The following PAPPA2 variants were observed in gnomAD, a reference collection of about 807,000 sequenced individuals.
PAPPA2 encodes the protein pappalysin 2, also known as pappalysin-2.
In PAPPA2, 86 loss-of-function variants were observed where a neutral mutation model predicts 176.4. The ratio of observed to expected loss-of-function variants is 0.49; its 90% CI spans 0.41 to 0.58. PAPPA2 has a LOEUF of 0.58. PAPPA2 is among the 20% of genes least tolerant of loss of function. PAPPA2 has a pLI of 0.00. For synonymous variants in PAPPA2, 809 were observed against 852.2 expected (o/e 0.95, Z 0.88); for missense variants, 2,073 against 2,256.9 (o/e 0.92, Z 1.65).
chr1:176,809,845 C>T (rs979943368), intron 21 of PAPPA2, among the ~76,000 whole-genome samples: 5 of 152,072 alleles, frequency 3.3e-5, no homozygotes, highest in Non-Finnish European at 7.4e-5. Flanking sequence ...AGACATTGCC[C>T]GAGGAATAGT....
chr1:176,663,953 T>TA (rs1475006400), intron 3 of PAPPA2, among the ~76,000 whole-genome samples: 1 of 152,182 alleles, frequency 6.6e-6, no homozygotes, highest in African/African-American at 2.4e-5. Flanking sequence ...GGTCTCTTGA[T>TA]ATGGTGGGTA....
At chr1:176,623,234 C>T (rs1482850195) in intron 3 of PAPPA2, among the ~76,000 whole-genome samples, 2 of 152,162 alleles carry the variant, frequency 1.3e-5, no homozygotes, top group Admixed American at 1.3e-4. Context: ...CATTTTCATT[C>T]CCACTCTCTG....
rs1573035031 is a variant in PAPPA2 at position 176,556,281 on chromosome 1, C to T, written c.-42C>T. The T allele has an allele frequency of 6.3e-7, 1 of 1,583,946 alleles. No individual in the cohort carries two copies. Among genetic ancestry groups the T allele is most frequent in the Non-Finnish European group, 8.6e-7 (1 of 1,164,438 alleles). On this transcript the variant is annotated 5_prime_UTR_variant, in exon 2 of 23. Transcript: ENST00000367662. The stretch of plus-strand genomic sequence containing the variant: ...CTGCCCATCACTCTGGTGTGGTACC[C>T]AGAAGTTGACTTCTGGTTCTGTAGA...
intron 1 of PAPPA2, among the ~76,000 whole-genome samples, chr1:176,474,171 T>C (rs1453369400): frequency 6.6e-6 from 1 of 152,250 alleles, no homozygotes; most frequent in Admixed American, 6.5e-5. Context: ...TATGATGCAG[T>C]AACAAGTGTC....
intron 1 of PAPPA2, among the ~76,000 whole-genome samples, chr1:176,530,536 G>T (rs1354051498): frequency 1.3e-5 from 2 of 151,960 alleles, no homozygotes; most frequent in African/African-American, 2.4e-5. Flanking sequence ...TCCATTTTTA[G>T]GTCTTGTTAA....
At chr1:176,658,149 A>G (rs1273880731) in intron 3 of PAPPA2, among the ~76,000 whole-genome samples, 4 of 152,020 alleles carry the variant, frequency 2.6e-5, no homozygotes, top group Non-Finnish European at 5.9e-5. Flanking sequence ...CACTAATTCA[A>G]TTAATGCCAC....
chr1:176,739,867 A>G, intron 13 of PAPPA2, 106 bp downstream of exon 13: 2 of 1,564,682 alleles, frequency 1.3e-6, no homozygotes, highest in South Asian at 1.2e-5. Context: ...TGCCTACATC[A>G]TACATCTAGG....
chr1:176,751,480 C>A, intron 14 of PAPPA2, among the ~76,000 whole-genome samples: 1 of 117,740 alleles, frequency 8.5e-6, no homozygotes, highest in Non-Finnish European at 1.7e-5. Flanking sequence ...ACAATGAACT[C>A]AAACAAATTT....
At chr1:176,616,812 C>G (rs996090050) in intron 3 of PAPPA2, 5 of 738,862 alleles carry the variant, frequency 6.8e-6, no homozygotes, top group South Asian at 5.9e-5. Flanking sequence ...AAAAAATACT[C>G]AATAGGGTTA....
chr1:176,715,529 T>G (rs1661330674), intron 12 of PAPPA2, among the ~76,000 whole-genome samples: 1 of 152,118 alleles, frequency 6.6e-6, no homozygotes, highest in African/African-American at 2.4e-5. Context: ...TGGTCATGAG[T>G]GGGAAACAGT....
intron 21 of PAPPA2, among the ~76,000 whole-genome samples, chr1:176,836,330 C>T (rs1316722161): frequency 2.0e-5 from 3 of 152,166 alleles, no homozygotes; most frequent in Non-Finnish European, 4.4e-5. Context: ...GTCTGAAACA[C>T]TCATCAAGAT....
intron 4 of PAPPA2, among the ~76,000 whole-genome samples, chr1:176,678,965 AAAG>A (rs1659447707): frequency 6.6e-6 from 1 of 152,164 alleles, no homozygotes; most frequent in Admixed American, 6.6e-5. Flanking sequence ...GAGCACAAGG[AAAG>A]AATAGGTTGT....
intron 12 of PAPPA2, among the ~76,000 whole-genome samples, chr1:176,715,302 C>A (rs746492593): frequency 3.3e-5 from 5 of 152,182 alleles, no homozygotes; most frequent in Non-Finnish European, 7.3e-5. Flanking sequence ...TTCGAAAAAT[C>A]TGTTTATAGG....
At chr1:176,620,699 C>G (rs1187002010) in intron 3 of PAPPA2, among the ~76,000 whole-genome samples, 2 of 152,152 alleles carry the variant, frequency 1.3e-5, no homozygotes, top group African/African-American at 4.8e-5. Context: ...CTATGTTAAT[C>G]TGTCTCACCA....
At chr1:176,564,398 C>T (rs1651840963) in intron 2 of PAPPA2, among the ~76,000 whole-genome samples, 1 of 152,218 alleles carries the variant, frequency 6.6e-6, no homozygotes. Context: ...TTAGAATGTG[C>T]AAGCAGTCGT....
intron 1 of PAPPA2, among the ~76,000 whole-genome samples, chr1:176,524,304 G>T (rs1649364857): frequency 6.6e-6 from 1 of 152,150 alleles, no homozygotes; most frequent in South Asian, 2.1e-4. Flanking sequence ...TTGCAATATG[G>T]TGCCATGACA....
chr1:176,535,933 G>A (rs899440030), intron 1 of PAPPA2, among the ~76,000 whole-genome samples: 1 of 152,178 alleles, frequency 6.6e-6, no homozygotes, highest in African/African-American at 2.4e-5. Flanking sequence ...TTGTGCCTTC[G>A]ATTTTGATGG....
intron 3 of PAPPA2, among the ~76,000 whole-genome samples, chr1:176,634,158 A>G (rs1248382167): frequency 6.6e-6 from 1 of 152,148 alleles, no homozygotes; most frequent in Non-Finnish European, 1.5e-5. Flanking sequence ...GTTTATTGCA[A>G]CACTACTCAC....
intron 14 of PAPPA2, among the ~76,000 whole-genome samples, chr1:176,758,711 G>T (rs1327539651): frequency 1.3e-5 from 2 of 152,180 alleles, no homozygotes; most frequent in Non-Finnish European, 2.9e-5. Flanking sequence ...TAAATGAATT[G>T]CAATATTTTG....
Sources: gnomAD v4.1 joint callset for allele counts (sites outside exome capture counted in the v4.1 genomes callset) on GRCh38, gnomAD v4.1.1 for gene constraint, MANE v1.5 for transcripts, NCBI Gene and HGNC (gene_info 2026-07-23, HGNC 2026-07-21) for gene names.